Variants in METTL8 observed in about 807,000 individuals in gnomAD.
METTL8 encodes tRNA N(3)-cytidine methyltransferase METTL8, mitochondrial.
Under a neutral mutation model 48.7 loss-of-function variants are expected in METTL8, and 32 were observed. The ratio of observed to expected loss-of-function variants is 0.66; its 90% CI spans 0.50 to 0.88. The LOEUF (loss-of-function observed/expected upper bound fraction) is 0.88. METTL8 is among the 40% of genes least tolerant of loss of function. The probability of loss-of-function intolerance (pLI) is 0.00; values close to 1 mark genes in which losing one functional copy is unlikely to be tolerated. For synonymous variants in METTL8, 136 were observed against 157.1 expected, an observed-to-expected ratio of 0.87 and a Z score of 1.01; for missense variants, 464 against 474.4, an observed-to-expected ratio of 0.98 and a Z score of 0.20.
chr2:171,329,800 T>A (rs975839779), intron 7 of METTL8, among the ~76,000 whole-genome samples: 1 of 152,208 alleles, frequency 6.6e-6, no homozygotes, highest in African/African-American at 2.4e-5. Flanking sequence ...TGACGCCAAG[T>A]CTGTATCTTC....
rs192128725 is a variant in METTL8, at chr2:171,325,903, T to C, written c.971A>G (p.His324Arg). ...DKTQLRFKKGHCLSENFYVRG... is the reference protein window; with the variant it reads ...DKTQLRFKKGRCLSENFYVRG... The stretch of plus-strand genomic sequence containing the variant: ...AACATAAAAATTTTCAGATAAACAA[T>C]GTCCTGAAAAAAATTGTGAAAAGAG... Residue 324 changes from histidine (H) to arginine (R), a missense_variant, in exon 9 of 10, where the codon CAT becomes CGT. Transcript: ENST00000375258. 1.5e-4 allele frequency: 237 copies of C among 1,594,024 alleles called. No homozygotes were observed. The East Asian group carries it at 4.8e-3, about 32-fold the overall frequency.
At chr2:171,410,496 A>C (rs1690641745) in intron 1 of METTL8, among the ~76,000 whole-genome samples, 1 of 152,242 alleles carries the variant, frequency 6.6e-6, no homozygotes, top group African/African-American at 2.4e-5. Context: ...ACAACCTAAG[A>C]TGTGTCTAGA....
intron 2 of METTL8, among the ~76,000 whole-genome samples, chr2:171,381,554 T>A (rs1687536805): frequency 6.6e-6 from 1 of 151,460 alleles, no homozygotes; most frequent in Non-Finnish European, 1.5e-5. Flanking sequence ...TTAAACAAAT[T>A]TACAAGAAAA....
At chr2:171,396,279 A>C (rs1390253938) in intron 1 of METTL8, among the ~76,000 whole-genome samples, 1 of 152,072 alleles carries the variant, frequency 6.6e-6, no homozygotes, top group Non-Finnish European at 1.5e-5. Context: ...AAATAAATAA[A>C]TAAATAAATA....
At chr2:171,416,303 A>C (rs1238882399) in intron 1 of METTL8, among the ~76,000 whole-genome samples, 1 of 152,198 alleles carries the variant, frequency 6.6e-6, no homozygotes, top group African/African-American at 2.4e-5. Context: ...TCTGTGTCCA[A>C]AGGAGGTAGG....
At chr2:171,345,193 T>C (rs992744842) in intron 3 of METTL8, among the ~76,000 whole-genome samples, 3 of 152,192 alleles carry the variant, frequency 2.0e-5, no homozygotes, top group Non-Finnish European at 4.4e-5. Flanking sequence ...TATTCACTTA[T>C]TAAATTCAAT....
intron 1 of METTL8, among the ~76,000 whole-genome samples, chr2:171,418,501 C>T (rs754886989): frequency 2.3e-4 from 35 of 152,020 alleles, no homozygotes; most frequent in Non-Finnish European, 4.3e-4. Flanking sequence ...AATTCTTTTG[C>T]ATGGACGATT....
rs146769570 is a variant in METTL8, at chr2:171,426,528, CTATGA to C, written c.-13+7350_-13+7354del. On this transcript the variant is annotated intron_variant, in intron 1 of 9. Coordinates refer to ENST00000375258, the MANE Select transcript of METTL8 (RefSeq NM_001321154.2). ...TTATAATTGTTATTTGTATATTATG[CTATGA>C]TATCTGTAACATAGCATAAAGGATT... Among the ~76,000 whole-genome samples the C allele has an allele frequency of 8.9e-4, 136 of 152,214 alleles. 1 individual carries two copies. The highest frequency in any genetic ancestry group is 3.2e-3 in the African/African-American group (131 of 41,538).
chr2:171,415,458 T>A (rs980210922), intron 1 of METTL8, among the ~76,000 whole-genome samples: 3 of 146,308 alleles, frequency 2.1e-5, no homozygotes, highest in Non-Finnish European at 4.5e-5. Flanking sequence ...GTTCAAGCAA[T>A]TCTCTGCCTC....
chr2:171,344,290 C>T (rs1356298103), intron 3 of METTL8, among the ~76,000 whole-genome samples: 1 of 152,058 alleles, frequency 6.6e-6, no homozygotes. Context: ...AAAGAATTTC[C>T]CCAAGGTCAC....
chr2:171,348,977 C>T (rs1366628874), intron 3 of METTL8, among the ~76,000 whole-genome samples: 2 of 152,008 alleles, frequency 1.3e-5, no homozygotes, highest in Non-Finnish European at 2.9e-5. Context: ...TTGTAGTGTG[C>T]TTTTTAAAAA....
chr2:171,350,473 T>C (rs1417739419), intron 3 of METTL8, among the ~76,000 whole-genome samples: 3 of 152,228 alleles, frequency 2.0e-5, no homozygotes, highest in Admixed American at 1.3e-4. Context: ...TTTGGGTATA[T>C]ACCCAGTAAT....
At chr2:171,416,131 T>C (rs1191941748) in intron 1 of METTL8, among the ~76,000 whole-genome samples, 1 of 152,210 alleles carries the variant, frequency 6.6e-6, no homozygotes, top group Non-Finnish European at 1.5e-5. Context: ...ACTGTGTTTC[T>C]GACGCGCCAG....
intron 2 of METTL8, among the ~76,000 whole-genome samples, chr2:171,373,624 T>G (rs1162931889): frequency 6.6e-6 from 1 of 152,234 alleles, no homozygotes; most frequent in Non-Finnish European, 1.5e-5. Context: ...ATCTAACATT[T>G]AAGTCTTTAA....
intron 1 of METTL8, among the ~76,000 whole-genome samples, chr2:171,403,923 A>C (rs1168882078): frequency 1.3e-5 from 2 of 150,808 alleles, no homozygotes; most frequent in Non-Finnish European, 1.5e-5. Flanking sequence ...ATTTTAAATA[A>C]GAGAGCAAGA....
chr2:171,400,381 C>T (rs1689526051), intron 1 of METTL8, among the ~76,000 whole-genome samples: 1 of 152,164 alleles, frequency 6.6e-6, no homozygotes, highest in Non-Finnish European at 1.5e-5. Flanking sequence ...GATCATGTTA[C>T]TGATTCCCCA....
chr2:171,360,611 G>A, intron 2 of METTL8, 98 bp from the exon 3 acceptor site: 2 of 1,005,720 alleles, frequency 2.0e-6, no homozygotes, highest in Non-Finnish European at 2.9e-6. Context: ...ATTAGCTGAA[G>A]ACATATGATA....
intron 3 of METTL8, among the ~76,000 whole-genome samples, chr2:171,356,863 T>A (rs1684597417): frequency 6.6e-6 from 1 of 151,364 alleles, no homozygotes; most frequent in Non-Finnish European, 1.5e-5. Flanking sequence ...ATACTGGAAG[T>A]CCTGGCCAGA....
rs1176720338 is a variant in METTL8, at chr2:171,323,509, C to A, written c.*663G>T. 6.6e-6 allele frequency: 1 copy of A among 152,234 alleles called. No homozygotes were observed. The highest frequency in any genetic ancestry group is 6.5e-5 in the Admixed American group (1 of 15,268). The allele number at this position is 152,234 out of a possible 1,614,324, so 9.4% of individuals were successfully genotyped here. On this transcript the variant is annotated 3_prime_UTR_variant, in exon 10 of 10. Transcript: ENST00000375258. ...TCAGCCCCCCAAAGTGCTGGGATTA[C>A]AGGTGCGAGCCATTGCACCTGGCCT...
Sources: gnomAD v4.1 joint callset for allele counts (sites outside exome capture counted in the v4.1 genomes callset) on GRCh38, gnomAD v4.1.1 for gene constraint, MANE v1.5 for transcripts, NCBI Gene and HGNC (gene_info 2026-07-23, HGNC 2026-07-21) for gene names.